ELF2: variants seen among roughly 807,000 people sequenced by gnomAD.
ELF2 encodes E74 like ETS transcription factor 2.
In ELF2, 11 loss-of-function variants were observed where a neutral mutation model predicts 54.8. That is an observed-to-expected ratio of 0.20 (90% CI 0.13 to 0.33). ELF2 has a LOEUF of 0.33. Among genes scored for constraint, ELF2 ranks in the 10% least tolerant of loss-of-function variants. The pLI is 1.00. For missense variants in ELF2, 513 were observed against 703.0 expected, an observed-to-expected ratio of 0.73 and a Z score of 3.06; for synonymous variants, 203 against 245.1, an observed-to-expected ratio of 0.83 and a Z score of 1.61.
At chr4:139,060,909 G>A (rs1320029600) in intron 8 of ELF2, among the ~76,000 whole-genome samples, 1 of 152,088 alleles carries the variant, frequency 6.6e-6, no homozygotes, top group African/African-American at 2.4e-5. Context: ...TCTATAAACT[G>A]GCTGAAAGTT....
intron 3 of ELF2, among the ~76,000 whole-genome samples, chr4:139,128,276 TA>T (rs35220976): frequency 0.79 from 118,632 of 149,834 alleles, 47,767 homozygotes; most frequent in African/African-American, 0.93. Flanking sequence ...TCTCAAAAAT[TA>T]AAAAAAAAAA....
chr4:139,113,892 C>G (rs1466387439), intron 4 of ELF2, among the ~76,000 whole-genome samples: 1 of 151,856 alleles, frequency 6.6e-6, no homozygotes, highest in Non-Finnish European at 1.5e-5. Context: ...AAAATCATTC[C>G]TTTTCATTTC....
At position 139,135,277 on chromosome 4, in the gene ELF2, G is replaced by GTATA. The variant is rs1189838287; in HGVS notation, c.72+2352_72+2353insTATA. On this transcript the variant is annotated intron_variant, in intron 3 of 9. Transcript: ENST00000686138. ...TGTGTGTGTGTGTGTGTGTGTGTGT[G>GTATA]TGTATATATGAATGAAACATTCCTG... Among the ~76,000 whole-genome samples the GTATA allele has an allele frequency of 5.1e-5, 7 of 136,122 alleles. No individual in the cohort carries two copies. In the East Asian group the frequency reaches 1.5e-3, roughly 30 times the overall value. The allele number at this position is 136,122 out of a possible 152,430, so 89.3% of individuals were successfully genotyped here.
chr4:139,067,930 A>G (rs1373735232), intron 6 of ELF2, among the ~76,000 whole-genome samples, 160 bp from the exon 7 acceptor site: 1 of 152,168 alleles, frequency 6.6e-6, no homozygotes, highest in African/African-American at 2.4e-5. Flanking sequence ...TATTACAAAC[A>G]CTTTTGTATT....
At chr4:139,114,765 T>C (rs1735432985) in intron 4 of ELF2, among the ~76,000 whole-genome samples, 1 of 144,080 alleles carries the variant, frequency 6.9e-6, no homozygotes, top group Non-Finnish European at 1.5e-5. Flanking sequence ...AACCCAAAAG[T>C]GGAAAACTGA....
At chr4:139,170,258 CCTT>C (rs569376048) in intron 1 of ELF2, among the ~76,000 whole-genome samples, 1 of 130,884 alleles carries the variant, frequency 7.6e-6, no homozygotes, top group African/African-American at 2.9e-5. Context: ...ATCTTAATCG[CCTT>C]TTTTTTTTTT....
At chr4:139,082,391 C>T (rs1731242106) in intron 4 of ELF2, among the ~76,000 whole-genome samples, 1 of 152,158 alleles carries the variant, frequency 6.6e-6, no homozygotes, top group Admixed American at 6.5e-5. Context: ...TCATTGTGCT[C>T]TCTTACTAAA....
chr4:139,136,378 A>G (rs1055806040), intron 3 of ELF2, among the ~76,000 whole-genome samples: 2 of 152,094 alleles, frequency 1.3e-5, no homozygotes, highest in Non-Finnish European at 2.9e-5. Flanking sequence ...ATTTGCCCAT[A>G]GCTGATCCGG....
In ELF2 at chr4:139,124,141, T is replaced by C. The variant is rs528920127; in HGVS notation, c.238+1023A>G. ...GAGCCACCTGCCCCAGTCTCCCAAGTAGCTGGGAGTACAGATGCACACCAC... is the reference window on the plus strand; with the variant it reads ...GAGCCACCTGCCCCAGTCTCCCAAGCAGCTGGGAGTACAGATGCACACCAC... On this transcript the variant is annotated intron_variant, in intron 4 of 9. Transcript: ENST00000686138. Among the ~76,000 whole-genome samples, 9 of 152,294 alleles carry C rather than the reference T, an allele frequency of 5.9e-5. No homozygotes were observed. In the East Asian group the frequency reaches 1.7e-3, roughly 29 times the overall value.
rs149361487 is a variant in ELF2 at position 139,168,699 on chromosome 4, T to C, written c.-252+8268A>G. Among the ~76,000 whole-genome samples the C allele has an allele frequency of 3.1e-3, 479 of 152,176 alleles. 2 individuals are homozygous for C. Among genetic ancestry groups the C allele is most frequent in the African/African-American group, 0.011 (440 of 41,518 alleles). Reference sequence around the variant, plus strand: ...TAATTAAAACCTAACTACAAGATGATTGATCAGTGATGCTTCCAAAGAAAG... The same window carrying C: ...TAATTAAAACCTAACTACAAGATGACTGATCAGTGATGCTTCCAAAGAAAG... On this transcript the variant is annotated intron_variant, in intron 1 of 9. Transcript: ENST00000686138.
intron 1 of ELF2, among the ~76,000 whole-genome samples, chr4:139,155,608 G>A (rs1281803185): frequency 6.6e-6 from 1 of 151,942 alleles, no homozygotes; most frequent in East Asian, 1.9e-4. Flanking sequence ...TAATAATAAT[G>A]AAAAAGATAA....
At chr4:139,068,144 C>A (rs1033674038) in intron 6 of ELF2, among the ~76,000 whole-genome samples, 2 of 152,132 alleles carry the variant, frequency 1.3e-5, no homozygotes, top group African/African-American at 4.8e-5. Flanking sequence ...TCTCAGCCTC[C>A]CAAGTAGTTG....
At chr4:139,126,282 G>T (rs543831806) in intron 3 of ELF2, among the ~76,000 whole-genome samples, 1 of 151,624 alleles carries the variant, frequency 6.6e-6, no homozygotes, top group East Asian at 1.9e-4. Flanking sequence ...AGAAAAGATG[G>T]CAATATTAGA....
chr4:139,090,458 T>TC lies in ELF2; in HGVS notation c.239-16892dup, dbSNP rs2148755257. Among the ~76,000 whole-genome samples, 3 of 152,336 alleles carry TC rather than the reference T, an allele frequency of 2.0e-5. No homozygotes were observed. The East Asian group carries it at 5.8e-4, about 29-fold the overall frequency. Reference sequence around the variant, plus strand: ...CAAATACTTACTGGCCATTAACATTTCCCCTGTGAATAGACTATTCATGTC... The same window carrying TC: ...CAAATACTTACTGGCCATTAACATTTCCCCCTGTGAATAGACTATTCATGTC... On this transcript the variant is annotated intron_variant, in intron 4 of 9. Coordinates refer to ENST00000686138, the MANE Select transcript of ELF2 (RefSeq NM_001331036.3).
At chr4:139,154,320 C>T (rs1439602435) in intron 1 of ELF2, among the ~76,000 whole-genome samples, 3 of 152,106 alleles carry the variant, frequency 2.0e-5, no homozygotes. Context: ...TAGTATAAAA[C>T]AACTCTGAGA....
intron 4 of ELF2, among the ~76,000 whole-genome samples, chr4:139,115,952 T>C (rs1016047898): frequency 1.3e-5 from 2 of 152,070 alleles, no homozygotes; most frequent in Non-Finnish European, 2.9e-5. Context: ...AGCGATTCTC[T>C]TGCCTCAGCC....
At chr4:139,108,019 T>G (rs1016657608) in intron 4 of ELF2, among the ~76,000 whole-genome samples, 3 of 152,070 alleles carry the variant, frequency 2.0e-5, no homozygotes, top group African/African-American at 7.2e-5. Context: ...AATGTGTATC[T>G]TTAAGGCATT....
chr4:139,142,866 CAAAA>C (rs35505802), intron 1 of ELF2, among the ~76,000 whole-genome samples: 1 of 121,796 alleles, frequency 8.2e-6, no homozygotes, highest in African/African-American at 3.2e-5. Flanking sequence ...GACCTTGTCT[CAAAA>C]AAAAAAAAAA....
rs1739848054 is a variant in ELF2, at chr4:139,151,031, AAAAAGAAAGAAAGAAAGAAAGAAAGAAAG to A, written c.-251-11563_-251-11535del. Among the ~76,000 whole-genome samples, 2 of 118,340 alleles carry A rather than the reference AAAAAGAAAGAAAGAAAGAAAGAAAGAAAG, an allele frequency of 1.7e-5. 1 individual carries two copies. The highest frequency in any genetic ancestry group is 6.8e-5 in the African/African-American group (2 of 29,554). 77.6% of individuals were successfully genotyped at this position (118,340 alleles called of 152,430 possible). A position where few individuals can be genotyped will look rare whatever the true frequency, so the allele number is the denominator to read the frequency against. On this transcript the variant is annotated intron_variant, in intron 1 of 9. Coordinates refer to ENST00000686138, the MANE Select transcript of ELF2 (RefSeq NM_001331036.3). ...GGAACGAGGCTCCATCTCAAAAAAA[AAAAAGAAAGAAAGAAAGAAAGAAAGAAAG>A]AAAGAAAGAAAGAAAGAAAGAAAGA...
Sources: gnomAD v4.1 joint callset for allele counts (sites outside exome capture counted in the v4.1 genomes callset) on GRCh38, gnomAD v4.1.1 for gene constraint, MANE v1.5 for transcripts, NCBI Gene and HGNC (gene_info 2026-07-23, HGNC 2026-07-21) for gene names.